Variants in C12orf75 observed in about 807,000 individuals in gnomAD.
The protein encoded by C12orf75 is overexpressed in colon carcinoma 1 protein.
C12orf75 carries 4 observed loss-of-function variants against 11.4 expected under a neutral mutation model. The ratio of observed to expected loss-of-function variants is 0.35; its 90% CI spans 0.17 to 0.80. The LOEUF is 0.80. C12orf75 is among the 30% of genes least tolerant of loss of function. C12orf75 has a pLI of 0.52. For missense variants in C12orf75, 89 were observed against 80.4 expected, an observed-to-expected ratio of 1.11 and a Z score of -0.41; for synonymous variants, 30 against 30.0, an observed-to-expected ratio of 1.00 and a Z score of 0.00.
At chr12:105,343,285 C>T (rs1892595877) in intron 1 of C12orf75, among the ~76,000 whole-genome samples, 2 of 152,234 alleles carry the variant, frequency 1.3e-5, no homozygotes, top group South Asian at 4.2e-4. Context: ...TCTCCTGAGG[C>T]CCTAGGCCCA....
At chr12:105,346,469 AT>A (rs202115761) in intron 1 of C12orf75, among the ~76,000 whole-genome samples, 1,625 of 152,102 alleles carry the variant, frequency 0.011, 9 homozygotes, top group South Asian at 0.036. Flanking sequence ...ATTTTTGTTA[AT>A]TTTTTTCTAT....
At chr12:105,366,532 A>G (rs1871477439) in intron 3 of C12orf75, 85 bp from the exon 4 acceptor site, 2 of 570,650 alleles carry the variant, frequency 3.5e-6, no homozygotes, top group East Asian at 6.2e-5. Flanking sequence ...TAATAATTAT[A>G]TAATTGTTTG....
At chr12:105,346,667 C>T (rs1892645012) in intron 1 of C12orf75, among the ~76,000 whole-genome samples, 1 of 152,312 alleles carries the variant, frequency 6.6e-6, no homozygotes, top group Non-Finnish European at 1.5e-5. Flanking sequence ...TAGGTTTAGT[C>T]AAAGCCTTAA....
At chr12:105,340,061 C>G in intron 1 of C12orf75, among the ~76,000 whole-genome samples, 1 of 152,208 alleles carries the variant, frequency 6.6e-6, no homozygotes, top group South Asian at 2.1e-4. Flanking sequence ...TTAATGTATA[C>G]GACAGGCTGA....
At chr12:105,342,779 G>A (rs1284448809) in intron 1 of C12orf75, among the ~76,000 whole-genome samples, 1 of 152,166 alleles carries the variant, frequency 6.6e-6, no homozygotes, top group Non-Finnish European at 1.5e-5. Context: ...AATTCCAGGG[G>A]TTTTAGGAGC....
chr12:105,336,527 G>T (rs949911502), intron 1 of C12orf75, among the ~76,000 whole-genome samples: 1 of 152,170 alleles, frequency 6.6e-6, no homozygotes, highest in African/African-American at 2.4e-5. Context: ...AGACACAGCT[G>T]GTGTAGAAGG....
chr12:105,354,931 G>C (rs140097665), intron 2 of C12orf75, among the ~76,000 whole-genome samples: 6 of 152,104 alleles, frequency 3.9e-5, no homozygotes, highest in African/African-American at 1.4e-4. Flanking sequence ...AGCTGATGTT[G>C]CAATAAGAAA....
chr12:105,344,246 T>C (rs1302426128), intron 1 of C12orf75, among the ~76,000 whole-genome samples: 1 of 152,220 alleles, frequency 6.6e-6, no homozygotes, highest in Non-Finnish European at 1.5e-5. Flanking sequence ...GCCCAGTATG[T>C]CCTCATTTAC....
intron 4 of C12orf75, among the ~76,000 whole-genome samples, chr12:105,367,088 A>G (rs1871499504): frequency 6.6e-6 from 1 of 152,232 alleles, no homozygotes. Flanking sequence ...TGCCTATTGT[A>G]TAATTAAATG....
chr12:105,349,609 C>T lies in C12orf75; in HGVS notation c.71+983C>T, dbSNP rs964093521. ...CCAAAAATAGGGCCAGGTATGGTGG[C>T]GCATGCCTGTAATCCCAGCACTTTG... is the stretch of plus-strand genomic sequence containing the variant. On this transcript the variant is annotated intron_variant, in intron 2 of 5. Transcript: ENST00000443585. Among the ~76,000 whole-genome samples, 38 of 152,148 alleles carry T rather than the reference C, an allele frequency of 2.5e-4. 1 individual carries two copies. The highest frequency in any genetic ancestry group is 4.8e-5 in the African/African-American group (2 of 41,422).
chr12:105,350,565 C>T (rs191420534), intron 2 of C12orf75, among the ~76,000 whole-genome samples: 2 of 152,178 alleles, frequency 1.3e-5, no homozygotes, highest in Non-Finnish European at 2.9e-5. Flanking sequence ...TTTCCTGGCT[C>T]TCTGAGCTGC....
chr12:105,363,339 A>G (rs2136151150), intron 2 of C12orf75, among the ~76,000 whole-genome samples: 1 of 152,350 alleles, frequency 6.6e-6, no homozygotes, highest in Middle Eastern at 3.4e-3. Flanking sequence ...GTGTTGTAGA[A>G]TAACTGTTTG....
intron 2 of C12orf75, 93 bp from the exon 3 acceptor site, chr12:105,365,714 C>T (rs1871451021): frequency 1.2e-6 from 1 of 807,614 alleles, no homozygotes. Flanking sequence ...ATAAAATTGA[C>T]TTCAACTCAG....
intron 4 of C12orf75, 145 bp from the exon 5 acceptor site, chr12:105,367,327 T>C (rs1485785789): frequency 2.8e-6 from 1 of 362,832 alleles, no homozygotes; most frequent in East Asian, 4.6e-5. Flanking sequence ...TTGAACATAC[T>C]ATATTTGTTC....
intron 2 of C12orf75, 107 bp from the exon 3 acceptor site, chr12:105,365,700 T>G: frequency 1.3e-6 from 1 of 752,518 alleles, no homozygotes; most frequent in Non-Finnish European, 2.4e-6. Context: ...TGGAAACATT[T>G]GAAATAAAAT....
intron 1 of C12orf75, among the ~76,000 whole-genome samples, chr12:105,342,536 A>G (rs1892588182): frequency 1.3e-5 from 2 of 152,244 alleles, no homozygotes; most frequent in African/African-American, 2.4e-5. Flanking sequence ...CAACACAAAA[A>G]GGACCAAGAC....
At chr12:105,369,745 C>G (rs901268356) in intron 5 of C12orf75, among the ~76,000 whole-genome samples, 4 of 152,112 alleles carry the variant, frequency 2.6e-5, no homozygotes, top group Non-Finnish European at 5.9e-5. Flanking sequence ...TGATCCTGGT[C>G]TTTCTGTAGC....
In C12orf75 at chr12:105,371,250, G is replaced by A. The variant is rs1890753769; in HGVS notation, c.*650G>A. The A allele has an allele frequency of 6.6e-6, 1 of 152,530 alleles. No individual in the cohort carries two copies. Among genetic ancestry groups the A allele is most frequent in the African/African-American group, 2.4e-5 (1 of 41,422 alleles). 9.4% of individuals were successfully genotyped at this position (152,530 alleles called of 1,614,324 possible). A position where few individuals can be genotyped will look rare whatever the true frequency, so the allele number is the denominator to read the frequency against. On this transcript the variant is annotated 3_prime_UTR_variant, in exon 6 of 6. Transcript: ENST00000443585. ...TTTAAAAATAAACTCAAATTTGCAT[G>A]CCATATGCACATTTTGATTACATTT...
At chr12:105,369,349 C>T (rs1325412112) in intron 5 of C12orf75, among the ~76,000 whole-genome samples, 2 of 152,170 alleles carry the variant, frequency 1.3e-5, no homozygotes, top group Non-Finnish European at 2.9e-5. Context: ...GTAAATTTAT[C>T]GTATTTTATT....
Sources: allele counts gnomAD v4.1 joint callset (sites outside exome capture counted in the v4.1 genomes callset), GRCh38; gene constraint gnomAD v4.1.1; transcripts MANE v1.5; gene names NCBI Gene and HGNC (gene_info 2026-07-23, HGNC 2026-07-21).